LPP: variants seen among roughly 807,000 people sequenced by gnomAD.
LPP encodes the protein LIM domain containing preferred translocation partner in lipoma.
A neutral mutation model predicts 60.4 loss-of-function variants in LPP; 38 were observed. The observed-to-expected ratio is 0.63, with a 90% CI of 0.49 to 0.83. The LOEUF is 0.83. Ranked by LOEUF, LPP falls within the 40% of genes least tolerant of loss-of-function variation. LPP has a pLI of 0.00. For missense variants in LPP, 902 were observed against 783.6 expected, an observed-to-expected ratio of 1.15 and a Z score of -1.80; for synonymous variants, 328 against 290.8, an observed-to-expected ratio of 1.13 and a Z score of -1.30.
rs4686496 is a variant in LPP at position 188,881,581 on chromosome 3, G to A, written c.*7102G>A. 0.48 allele frequency: 104,112 copies of A among 216,910 alleles called. 26,072 individuals are homozygous for A. Among genetic ancestry groups the A allele is most frequent in the Non-Finnish European group, 0.54 (58,662 of 107,764 alleles). The allele number at this position is 216,910 out of a possible 1,614,324, so 13.4% of individuals were successfully genotyped here. A position where few individuals can be genotyped will look rare whatever the true frequency, so the allele number is the denominator to read the frequency against. Reference sequence around the variant, plus strand: ...CAGACCCAGAAGTGTAAAAGCTACAGAAGGATAGAACTCCCATGTCTACAG... The same window carrying A: ...CAGACCCAGAAGTGTAAAAGCTACAAAAGGATAGAACTCCCATGTCTACAG... On this transcript the variant is annotated 3_prime_UTR_variant, in exon 12 of 12. Transcript: ENST00000617246.
intron 7 of LPP, among the ~76,000 whole-genome samples, chr3:188,685,476 G>A (rs1240816047): frequency 1.3e-5 from 2 of 152,118 alleles, no homozygotes; most frequent in Non-Finnish European, 2.9e-5. Flanking sequence ...AACAAATTTA[G>A]TGCCAAAATC....
chr3:188,201,657 A>G (rs552285434), intron 1 of LPP, among the ~76,000 whole-genome samples: 23 of 152,278 alleles, frequency 1.5e-4, no homozygotes, highest in Non-Finnish European at 2.6e-4. Context: ...CAGTGAGGTG[A>G]GATCATACCA....
intron 4 of LPP, among the ~76,000 whole-genome samples, chr3:188,468,649 G>A (rs1801036913): frequency 6.6e-6 from 1 of 152,076 alleles, no homozygotes; most frequent in Non-Finnish European, 1.5e-5. Context: ...GCATAATATT[G>A]GAGACTCAAG....
Position 188,341,678 on chromosome 3 carries a change from A to G in LPP, c.-51A>G. 1.0e-6 allele frequency: 1 copy of G among 985,112 alleles called. No individual in the cohort carries two copies. Among genetic ancestry groups the G allele is most frequent in the Non-Finnish European group, 1.2e-6 (1 of 829,626 alleles). The allele number at this position is 985,112 out of a possible 1,614,324, so 61.0% of individuals were successfully genotyped here. On this transcript the variant is annotated 5_prime_UTR_variant, in exon 3 of 12. Coordinates refer to ENST00000617246, the MANE Select transcript of LPP (RefSeq NM_001375462.1). ...TAAACACTAGCATTGCAGTTGGCTG[A>G]ACCTTGTGTCAACCATCCATTCCAG...
chr3:188,669,469 G>A (rs1017179618), intron 7 of LPP, among the ~76,000 whole-genome samples: 4 of 152,106 alleles, frequency 2.6e-5, no homozygotes, highest in Admixed American at 2.0e-4. Flanking sequence ...CGAGCTACTC[G>A]GGAGGCTGAA....
chr3:188,638,316 C>T (rs1187113181), intron 7 of LPP, among the ~76,000 whole-genome samples: 1 of 149,896 alleles, frequency 6.7e-6, no homozygotes, highest in Admixed American at 6.7e-5. Context: ...ATTCAACAGC[C>T]CTTCATGCTA....
At chr3:188,403,314 G>C (rs1172218711) in intron 3 of LPP, among the ~76,000 whole-genome samples, 1 of 152,170 alleles carries the variant, frequency 6.6e-6, no homozygotes, top group Non-Finnish European at 1.5e-5. Flanking sequence ...CAGTCAGTCA[G>C]TAACTTGGGA....
chr3:188,183,477 A>G (rs1485501630), intron 1 of LPP, among the ~76,000 whole-genome samples: 1 of 152,138 alleles, frequency 6.6e-6, no homozygotes, highest in African/African-American at 2.4e-5. Context: ...AGACACTGTC[A>G]TGGGAGCCCC....
chr3:188,446,795 G>A (rs1036496651), intron 4 of LPP, among the ~76,000 whole-genome samples: 5 of 152,150 alleles, frequency 3.3e-5, no homozygotes, highest in Non-Finnish European at 7.4e-5. Flanking sequence ...GACCGTGATT[G>A]TTTTCATGGC....
intron 2 of LPP, among the ~76,000 whole-genome samples, chr3:188,283,150 G>T (rs1742695286): frequency 6.6e-6 from 1 of 152,156 alleles, no homozygotes; most frequent in Non-Finnish European, 1.5e-5. Flanking sequence ...TGCTTAAGAT[G>T]CTGGTGGCAT....
chr3:188,710,491 A>G (rs1440318088), intron 8 of LPP: 1 of 152,198 alleles, frequency 6.6e-6, no homozygotes, highest in Non-Finnish European at 1.5e-5. Context: ...CAATAAAGCT[A>G]AACATAAATT....
At position 188,675,921 on chromosome 3, in the gene LPP, G is replaced by A. The variant is rs541519021; in HGVS notation, c.1114-32346G>A. On this transcript the variant is annotated intron_variant, in intron 7 of 11. Transcript: ENST00000617246. ...GTTTTCTTGTACTGCCCCGACTGCT[G>A]CAATCCTCTCTCTTACATTGGAATT... Among the ~76,000 whole-genome samples, 9 of 152,174 alleles carry A rather than the reference G, an allele frequency of 5.9e-5. No homozygotes were observed. In the East Asian group the frequency reaches 1.2e-3, roughly 20 times the overall value.
intron 8 of LPP, among the ~76,000 whole-genome samples, chr3:188,715,338 A>C (rs1467930781): frequency 7.8e-6 from 1 of 129,028 alleles, no homozygotes; most frequent in Non-Finnish European, 1.6e-5. Flanking sequence ...AGATCGTGCC[A>C]CTGCACTCCA....
At chr3:188,670,782 A>G (rs2149252164) in intron 7 of LPP, among the ~76,000 whole-genome samples, 1 of 152,328 alleles carries the variant, frequency 6.6e-6, no homozygotes. Context: ...AAAGGTTGGA[A>G]GGATGACGGG....
intron 1 of LPP, among the ~76,000 whole-genome samples, chr3:188,196,748 A>T (rs1427370696): frequency 6.6e-6 from 1 of 152,214 alleles, no homozygotes; most frequent in Non-Finnish European, 1.5e-5. Flanking sequence ...AGAGGCAGGA[A>T]GTGGTTTGAC....
intron 9 of LPP, among the ~76,000 whole-genome samples, chr3:188,810,605 G>T (rs1750638356): frequency 6.6e-6 from 1 of 152,066 alleles, no homozygotes; most frequent in Non-Finnish European, 1.5e-5. Flanking sequence ...TTTATCATAA[G>T]TATGTATGTA....
intron 5 of LPP, among the ~76,000 whole-genome samples, chr3:188,487,120 T>C (rs1014680613): frequency 1.3e-5 from 2 of 152,218 alleles, no homozygotes; most frequent in African/African-American, 4.8e-5. Context: ...GATTGAAAAC[T>C]AGTTACATAG....
At chr3:188,329,265 G>A (rs996089475) in intron 2 of LPP, among the ~76,000 whole-genome samples, 1 of 152,088 alleles carries the variant, frequency 6.6e-6, no homozygotes, top group Non-Finnish European at 1.5e-5. Flanking sequence ...AGAACCTATT[G>A]TTACTTAACT....
intron 2 of LPP, among the ~76,000 whole-genome samples, chr3:188,314,830 C>T (rs1754572291): frequency 2.0e-5 from 3 of 152,054 alleles, no homozygotes; most frequent in African/African-American, 7.2e-5. Flanking sequence ...AATAAACAAA[C>T]AAACAAACAA....
Sources: gnomAD v4.1 joint callset for allele counts (sites outside exome capture counted in the v4.1 genomes callset) on GRCh38, gnomAD v4.1.1 for gene constraint, MANE v1.5 for transcripts, NCBI Gene and HGNC (gene_info 2026-07-23, HGNC 2026-07-21) for gene names.